SPI1: variants seen among roughly 807,000 people sequenced by gnomAD.
SPI1 encodes the protein Spi-1 proto-oncogene, also known as transcription factor PU.1.
A neutral mutation model predicts 30.7 loss-of-function variants in SPI1; 3 were observed. The ratio of observed to expected loss-of-function variants is 0.10; its 90% CI spans 0.04 to 0.25. SPI1 has a LOEUF of 0.25. Among genes scored for constraint, SPI1 ranks in the 10% least tolerant of loss-of-function variants. The pLI, the probability that SPI1 is intolerant of heterozygous loss-of-function variation, is 1.00. For missense variants in SPI1, 261 were observed against 371.5 expected, an observed-to-expected ratio of 0.70 and a Z score of 2.45; for synonymous variants, 169 against 157.1, an observed-to-expected ratio of 1.08 and a Z score of -0.56.
intron 4 of SPI1, 63 bp from the exon 5 acceptor site, chr11:47,355,609 C>G: frequency 7.1e-7 from 1 of 1,401,278 alleles, no homozygotes; most frequent in Non-Finnish European, 9.5e-7. Flanking sequence ...CCCCCACCGC[C>G]TTGCGTACGC....
Position 47,371,233 on chromosome 11 carries a change from G to A in SPI1, c.142+4400C>T, listed in dbSNP as rs982253811. Among the ~76,000 whole-genome samples, 5 of 148,842 alleles carry A rather than the reference G, an allele frequency of 3.4e-5. 1 individual carries two copies. Among genetic ancestry groups the A allele is most frequent in the Admixed American group, 2.7e-4 (4 of 14,852 alleles). On this transcript the variant is annotated intron_variant, in intron 2 of 4. Transcript: ENST00000378538. ...AAACTAGCTGGGCATGGTGGCACTCGCTTGTAGTTCCAGCTACTCGGGAGG... is the reference window on the plus strand; with the variant it reads ...AAACTAGCTGGGCATGGTGGCACTCACTTGTAGTTCCAGCTACTCGGGAGG...
chr11:47,357,599 C>T (rs568835274), intron 4 of SPI1, among the ~76,000 whole-genome samples: 121 of 152,124 alleles, frequency 8.0e-4, no homozygotes, highest in Middle Eastern at 3.4e-3. Context: ...TGGAGTTGCT[C>T]TTGTTGCCCA....
In SPI1 at chr11:47,362,570, CTTTTTTT is replaced by C. The variant is rs377422572; in HGVS notation, c.143-2537_143-2531del. Among the ~76,000 whole-genome samples, 34 of 108,050 alleles carry C rather than the reference CTTTTTTT, an allele frequency of 3.1e-4. 1 individual carries two copies. Among genetic ancestry groups the C allele is most frequent in the Middle Eastern group, 5.1e-3 (1 of 196 alleles). The allele number at this position is 108,050 out of a possible 152,430, so 70.9% of individuals were successfully genotyped here. ...TGGGTGACAGAGTGAGACCCTGTCT[CTTTTTTT>C]TTTTTTTTTTTTTTCTCTGAGATGA... On this transcript the variant is annotated intron_variant, in intron 2 of 4. Coordinates refer to ENST00000378538, the MANE Select transcript of SPI1 (RefSeq NM_003120.3).
intron 4 of SPI1, among the ~76,000 whole-genome samples, chr11:47,355,953 A>G (rs1043842609): frequency 1.8e-5 from 2 of 109,816 alleles, no homozygotes; most frequent in South Asian, 3.1e-4. Context: ...CTTAAACACA[A>G]TGCAACCACT....
intron 2 of SPI1, among the ~76,000 whole-genome samples, chr11:47,364,152 C>T (rs1216835384): frequency 4.0e-5 from 6 of 151,164 alleles, no homozygotes; most frequent in African/African-American, 9.7e-5. Flanking sequence ...TGGGTTCACG[C>T]CATTCTCCTG....
At chr11:47,377,563 C>T (rs1163798229) in intron 1 of SPI1, among the ~76,000 whole-genome samples, 1 of 152,092 alleles carries the variant, frequency 6.6e-6, no homozygotes, top group Non-Finnish European at 1.5e-5. Context: ...CTGTCCTTGT[C>T]CCAGCCTCAG....
intron 2 of SPI1, among the ~76,000 whole-genome samples, chr11:47,363,596 T>C (rs1233584463): frequency 6.6e-6 from 1 of 151,982 alleles, no homozygotes; most frequent in African/African-American, 2.4e-5. Flanking sequence ...CAAGTGATCC[T>C]CCCACCTCAG....
chr11:47,368,609 G>C (rs1274343214), intron 2 of SPI1, among the ~76,000 whole-genome samples: 2 of 152,206 alleles, frequency 1.3e-5, no homozygotes, highest in Middle Eastern at 3.2e-3. Flanking sequence ...ATGCTGACAC[G>C]TGCTACACCA....
At chr11:47,361,791 G>T (rs1283593934) in intron 2 of SPI1, among the ~76,000 whole-genome samples, 3 of 152,086 alleles carry the variant, frequency 2.0e-5, no homozygotes, top group African/African-American at 7.2e-5. Flanking sequence ...ATGATTTTTG[G>T]TTCTGGACTG....
intron 2 of SPI1, among the ~76,000 whole-genome samples, chr11:47,366,822 A>AAAAAGAAAAG (rs10635081): frequency 0.13 from 19,641 of 149,198 alleles, 1,451 homozygotes; most frequent in East Asian, 0.24. Context: ...ACGCTGTCTC[A>AAAAAGAAAAG]AAAAGAAAAG....
In SPI1 at chr11:47,359,260, G is replaced by C. The variant is rs1441465454; in HGVS notation, c.331-254C>G. 6.6e-6 allele frequency among the ~76,000 whole-genome samples: 1 copy of C among 152,196 alleles called. No individual in the cohort carries two copies. Among genetic ancestry groups the C allele is most frequent in the East Asian group, 1.9e-4 (1 of 5,192 alleles). ...CAGCTGGGCCTCCTGGTTTAGGACT[G>C]TGGGCACCGGGGAAGTGGTGCCTTG... On this transcript the variant is annotated intron_variant, in intron 3 of 4. Coordinates refer to ENST00000378538, the MANE Select transcript of SPI1 (RefSeq NM_003120.3). This position sits in a 1 kb window ranked among gnomAD's most constrained non-coding sequence, Gnocchi z 5.1.
intron 2 of SPI1, among the ~76,000 whole-genome samples, chr11:47,363,468 C>T (rs557001643): frequency 2.0e-5 from 3 of 152,010 alleles, no homozygotes; most frequent in Admixed American, 2.0e-4. Context: ...TTGCAGTGAG[C>T]CAAGATCACA....
Position 47,375,781 on chromosome 11 carries a change from A to G in SPI1, c.46-52T>C. 6.8e-7 allele frequency: 1 copy of G among 1,465,696 alleles called. No homozygotes were observed. The highest frequency in any genetic ancestry group is 9.6e-7 in the Non-Finnish European group (1 of 1,046,306). 90.8% of individuals were successfully genotyped at this position (1,465,696 alleles called of 1,614,324 possible). On this transcript the variant is annotated intron_variant, in intron 1 of 4. Transcript: ENST00000378538. This position sits in a 1 kb window ranked among gnomAD's most constrained non-coding sequence, Gnocchi z 4.2. ...TGCACCATGGTGGGAGACCCCAGCC[A>G]GGCCTGCAGCACCCCCGCACGCTGG...
At position 47,375,561 on chromosome 11, in the gene SPI1, C is replaced by A; in HGVS notation, c.142+72G>T. 1 of 1,195,210 alleles carries A rather than the reference C, an allele frequency of 8.4e-7. No homozygotes were observed. Among genetic ancestry groups the A allele is most frequent in the South Asian group, 1.2e-5 (1 of 80,768 alleles). The allele number at this position is 1,195,210 out of a possible 1,614,324, so 74.0% of individuals were successfully genotyped here. On this transcript the variant is annotated intron_variant, in intron 2 of 4. Transcript: ENST00000378538. The surrounding 1 kb of genome is among the most constrained non-coding windows in gnomAD (Gnocchi z 4.2). ...AAAGAAGTCCTGGGAATCATTTATT[C>A]TTTTTCTCTCTCCAGACCCCAGGAG...
At chr11:47,369,945 C>T (rs1461894175) in intron 2 of SPI1, among the ~76,000 whole-genome samples, 1 of 152,226 alleles carries the variant, frequency 6.6e-6, no homozygotes, top group African/African-American at 2.4e-5. Context: ...TCAGTCCTTA[C>T]AGCCATCCTG....
chr11:47,357,195 GC>G (rs1429483550), intron 4 of SPI1, among the ~76,000 whole-genome samples: 1 of 146,292 alleles, frequency 6.8e-6, no homozygotes. Context: ...ACACACACCT[GC>G]CCACACATAT....
chr11:47,375,546 TG>T lies in SPI1; in HGVS notation c.142+86del. ...GATTCTCAGAATTCCAAAGAAGTCC[TG>T]GGAATCATTTATTCTTTTTCTCTCT... On this transcript the variant is annotated intron_variant, in intron 2 of 4. Transcript: ENST00000378538. This position sits in a 1 kb window ranked among gnomAD's most constrained non-coding sequence, Gnocchi z 4.2. 1 of 1,073,794 alleles carries T rather than the reference TG, an allele frequency of 9.3e-7. No individual in the cohort carries two copies. Among genetic ancestry groups the T allele is most frequent in the Non-Finnish European group, 1.4e-6 (1 of 701,564 alleles). 66.5% of individuals were successfully genotyped at this position (1,073,794 alleles called of 1,614,324 possible).
At position 47,374,519 on chromosome 11, in the gene SPI1, G is replaced by A. The variant is rs141799045; in HGVS notation, c.142+1114C>T. On this transcript the variant is annotated intron_variant, in intron 2 of 4. Coordinates refer to ENST00000378538, the MANE Select transcript of SPI1 (RefSeq NM_003120.3). This position sits in a 1 kb window ranked among gnomAD's most constrained non-coding sequence, Gnocchi z 4.5. ...TTAGACCGCCACAGGTGCATCTGCA[G>A]AATGGAGCTACAGGCATGACTGGCC... 1.5e-3 allele frequency among the ~76,000 whole-genome samples: 232 copies of A among 152,292 alleles called. No individual in the cohort carries two copies. Among genetic ancestry groups the A allele is most frequent in the South Asian group, 3.7e-3 (18 of 4,830 alleles).
rs965712944 is a variant in SPI1, at chr11:47,359,293, C to G, written c.331-287G>C. On this transcript the variant is annotated intron_variant, in intron 3 of 4. Transcript: ENST00000378538. The surrounding 1 kb of genome is among the most constrained non-coding windows in gnomAD (Gnocchi z 5.1). ...CGGGGAAGTGGTGCCTTGTTCTCCTCCCTGCAGCGGTGCTGTGTGGACCCG... is the reference window on the plus strand; with the variant it reads ...CGGGGAAGTGGTGCCTTGTTCTCCTGCCTGCAGCGGTGCTGTGTGGACCCG... 1.3e-5 allele frequency among the ~76,000 whole-genome samples: 2 copies of G among 152,126 alleles called. No homozygotes were observed. The highest frequency in any genetic ancestry group is 4.8e-5 in the African/African-American group (2 of 41,420).
Sources: allele counts gnomAD v4.1 joint callset (sites outside exome capture counted in the v4.1 genomes callset), GRCh38; gene constraint gnomAD v4.1.1; non-coding constraint Gnocchi (gnomAD v3.1); transcripts MANE v1.5; gene names NCBI Gene and HGNC (gene_info 2026-07-23, HGNC 2026-07-21).